The following VPS45 variants were observed in gnomAD, a reference collection of about 807,000 sequenced individuals.
VPS45 encodes vacuolar protein sorting-associated protein 45.
VPS45 carries 35 observed loss-of-function variants against 75.9 expected under a neutral mutation model. The ratio of observed to expected loss-of-function variants is 0.46; its 90% CI spans 0.35 to 0.61. VPS45 has a LOEUF of 0.61. VPS45 is among the 20% of genes least tolerant of loss of function. The pLI is 0.00. For missense variants in VPS45, 559 were observed against 685.9 expected, an observed-to-expected ratio of 0.81 and a Z score of 2.07; for synonymous variants, 220 against 238.2, an observed-to-expected ratio of 0.92 and a Z score of 0.70.
At chr1:150,120,181 G>GT (rs587715269) in intron 14 of VPS45, among the ~76,000 whole-genome samples, 192 of 152,190 alleles carry the variant, frequency 1.3e-3, no homozygotes, top group South Asian at 3.7e-3. Context: ...CCACTTACTA[G>GT]TTTTTTTATT....
At chr1:150,122,096 G>T (rs1316259985) in intron 14 of VPS45, among the ~76,000 whole-genome samples, 1 of 152,104 alleles carries the variant, frequency 6.6e-6, no homozygotes, top group East Asian at 1.9e-4. Context: ...CAAGGCGGCC[G>T]GATCACCTGA....
intron 2 of VPS45, among the ~76,000 whole-genome samples, chr1:150,070,648 A>AT (rs1427704677): frequency 6.6e-5 from 9 of 135,944 alleles, no homozygotes; most frequent in Admixed American, 2.2e-4. Flanking sequence ...AAAAAAAAAA[A>AT]CAACAAAAAA....
rs145142262 is a variant in VPS45, at chr1:150,105,996, A to G, written c.1494-4500A>G. ...TCTTCAATAAAGTCGATAAAAATAA[A>G]CAATGGGGAAAGAACACCCCACTCG... On this transcript the variant is annotated intron_variant, in intron 13 of 14. Transcript: ENST00000644510. Among the ~76,000 whole-genome samples, 826 of 152,314 alleles carry G rather than the reference A, an allele frequency of 5.4e-3. 4 individuals are homozygous for G. The highest frequency in any genetic ancestry group is 9.5e-3 in the Non-Finnish European group (645 of 68,022).
intron 3 of VPS45, among the ~76,000 whole-genome samples, chr1:150,072,810 A>G (rs1028979298): frequency 1.3e-5 from 2 of 151,832 alleles, no homozygotes; most frequent in Admixed American, 6.6e-5. Context: ...CAAATTTCAC[A>G]TCTCACCCCT....
intron 13 of VPS45, among the ~76,000 whole-genome samples, chr1:150,102,566 G>A (rs1414791488): frequency 2.1e-5 from 3 of 142,960 alleles, no homozygotes; most frequent in South Asian, 2.2e-4. Flanking sequence ...AAAAAGACAC[G>A]TGCACACAAA....
chr1:150,075,552 T>C (rs587651127), intron 3 of VPS45, among the ~76,000 whole-genome samples: 144 of 152,296 alleles, frequency 9.5e-4, no homozygotes, highest in Non-Finnish European at 1.6e-3. Flanking sequence ...AATTGATTCA[T>C]TGGGGGTTAG....
At chr1:150,095,335 C>T (rs1656560773) in intron 13 of VPS45, among the ~76,000 whole-genome samples, 1 of 152,104 alleles carries the variant, frequency 6.6e-6, no homozygotes, top group Non-Finnish European at 1.5e-5. Flanking sequence ...AGAACCAGAC[C>T]AGACACGGTG....
chr1:150,076,318 C>A lies in VPS45; in HGVS notation c.369+6C>A. ...AAGTTGTGGCTGAGGTTCAGGTAAA[C>A]ATATTGGTCCTGTAACACATCTCGT... On this transcript the variant is annotated splice_donor_region_variant and intron_variant, in intron 4 of 14. Transcript: ENST00000644510. 6.3e-7 allele frequency: 1 copy of A among 1,598,352 alleles called. No individual in the cohort carries two copies. The highest frequency in any genetic ancestry group is 8.5e-7 in the Non-Finnish European group (1 of 1,170,934).
chr1:150,112,802 G>A (rs1657716905), intron 14 of VPS45, among the ~76,000 whole-genome samples: 1 of 152,136 alleles, frequency 6.6e-6, no homozygotes, highest in Non-Finnish European at 1.5e-5. Flanking sequence ...CCTCAGGTTT[G>A]ATAATTTACT....
intron 13 of VPS45, among the ~76,000 whole-genome samples, chr1:150,108,894 G>A (rs1657481084): frequency 6.6e-6 from 1 of 152,170 alleles, no homozygotes; most frequent in South Asian, 2.1e-4. Context: ...CCCCCGCCCA[G>A]TTCCTAACAG....
chr1:150,106,034 G>C (rs1414168388), intron 13 of VPS45, among the ~76,000 whole-genome samples: 1 of 152,134 alleles, frequency 6.6e-6, no homozygotes, highest in Non-Finnish European at 1.5e-5. Flanking sequence ...AAATTATGCT[G>C]GGAAAATTGG....
chr1:150,093,521 T>C lies in VPS45; in HGVS notation c.1372-6T>C, dbSNP rs1553802441. On this transcript the variant is annotated splice_polypyrimidine_tract_variant and splice_region_variant and intron_variant, in intron 12 of 14. Coordinates refer to ENST00000644510, the MANE Select transcript of VPS45 (RefSeq NM_007259.5). ...ATGACATAAGAACCATTTTCCCCTG[T>C]TTTAGGGAGTAGAAAATGTATATAC... 6.8e-6 allele frequency: 11 copies of C among 1,611,038 alleles called. No individual in the cohort carries two copies. The highest frequency in any genetic ancestry group is 9.3e-6 in the Non-Finnish European group (11 of 1,178,866).
intron 14 of VPS45, among the ~76,000 whole-genome samples, chr1:150,126,296 C>T (rs1658515098): frequency 6.6e-6 from 1 of 151,868 alleles, no homozygotes; most frequent in Non-Finnish European, 1.5e-5. Flanking sequence ...CTGCAAGCTC[C>T]GCCTCCCAGG....
In VPS45 at chr1:150,092,107, C is replaced by T; in HGVS notation, c.1263+12C>T. ...AGAAGTATCGAAAGGTAACCAGTTTCCATATTAGCCCACCAAACAGGAACC... is the reference window on the plus strand; with the variant it reads ...AGAAGTATCGAAAGGTAACCAGTTTTCATATTAGCCCACCAAACAGGAACC... On this transcript the variant is annotated intron_variant, in intron 11 of 14. Coordinates refer to ENST00000644510, the MANE Select transcript of VPS45 (RefSeq NM_007259.5). The T allele has an allele frequency of 6.2e-7, 1 of 1,606,502 alleles. No homozygotes were observed. Among genetic ancestry groups the T allele is most frequent in the Non-Finnish European group, 8.5e-7 (1 of 1,175,632 alleles).
At chr1:150,125,354 AAT>A (rs1228053208) in intron 14 of VPS45, among the ~76,000 whole-genome samples, 6 of 147,628 alleles carry the variant, frequency 4.1e-5, no homozygotes, top group South Asian at 2.1e-4. Flanking sequence ...TTTATTTTTT[AAT>A]ATATATATAT....
chr1:150,070,648 AC>A (rs1358501290), intron 2 of VPS45, among the ~76,000 whole-genome samples: 1 of 135,848 alleles, frequency 7.4e-6, no homozygotes. Context: ...AAAAAAAAAA[AC>A]AACAAAAAAA....
chr1:150,099,034 A>C, intron 13 of VPS45: 1 of 1,097,088 alleles, frequency 9.1e-7, no homozygotes, highest in Non-Finnish European at 1.1e-6. Flanking sequence ...GTCCTTTTTC[A>C]TTGGCCTTTT....
intron 11 of VPS45, 59 bp from the exon 12 acceptor site, chr1:150,092,243 C>A: frequency 6.4e-7 from 1 of 1,552,060 alleles, no homozygotes; most frequent in South Asian, 1.2e-5. Context: ...AAATTATTTT[C>A]TTATGAAATG....
Position 150,082,656 on chromosome 1 carries a change from A to G in VPS45, c.937-60A>G, listed in dbSNP as rs1380225897. The G allele has an allele frequency of 4.5e-6, 7 of 1,571,424 alleles. 1 individual carries two copies. Among genetic ancestry groups the G allele is most frequent in the African/African-American group, 4.1e-5 (3 of 73,714 alleles). On this transcript the variant is annotated intron_variant, in intron 9 of 14. Transcript: ENST00000644510. Reference sequence around the variant, plus strand: ...CCGCTTTCCCCAACCCCCATTCAGTACATGCTTATCCTCAGTCAAAAAATA... The same window carrying G: ...CCGCTTTCCCCAACCCCCATTCAGTGCATGCTTATCCTCAGTCAAAAAATA...
Sources: allele counts gnomAD v4.1 joint callset (sites outside exome capture counted in the v4.1 genomes callset), GRCh38; gene constraint gnomAD v4.1.1; transcripts MANE v1.5; gene names NCBI Gene and HGNC (gene_info 2026-07-23, HGNC 2026-07-21).